The following CSMD1 variants were observed in gnomAD, a reference collection of about 807,000 sequenced individuals.
The protein encoded by CSMD1 is CUB and sushi domain-containing protein 1.
Under a neutral mutation model 417.5 loss-of-function variants are expected in CSMD1, and 213 were observed. The observed-to-expected ratio is 0.51, with a 90% CI of 0.46 to 0.57. The LOEUF (loss-of-function observed/expected upper bound fraction) is 0.57. CSMD1 is among the 20% of genes least tolerant of loss of function. The pLI, the probability that CSMD1 is intolerant of heterozygous loss-of-function variation, is 0.00. For missense variants in CSMD1, 6,923 were observed against 4,529.7 expected (o/e 1.53, Z -15.17); for synonymous variants, 2,862 against 1,736.8 (o/e 1.65, Z -16.11).
At chr8:3,911,690 G>A (rs532183268) in intron 5 of CSMD1, among the ~76,000 whole-genome samples, 26 of 152,164 alleles carry the variant, frequency 1.7e-4, no homozygotes, top group African/African-American at 6.3e-4. Context: ...GCTGCCATAA[G>A]CACTCCCAGG....
At chr8:3,281,141 A>C (rs76538392) in intron 26 of CSMD1, among the ~76,000 whole-genome samples, 3,671 of 152,234 alleles carry the variant, frequency 0.024, 103 homozygotes, top group South Asian at 0.1. Context: ...TATGTCCTTC[A>C]ATAAGAAAAT....
chr8:4,638,332 A>G lies in CSMD1; in HGVS notation c.86-774T>C, dbSNP rs534235861. On this transcript the variant is annotated intron_variant, in intron 1 of 69. Coordinates refer to ENST00000635120, the MANE Select transcript of CSMD1 (RefSeq NM_033225.6). ...AATATGTGGTAATAAGAATAGTTAGAAAAAAACAAGGTCAATACGCCAGTG... is the reference window on the plus strand; with the variant it reads ...AATATGTGGTAATAAGAATAGTTAGGAAAAAACAAGGTCAATACGCCAGTG... 2.0e-5 allele frequency among the ~76,000 whole-genome samples: 3 copies of G among 152,314 alleles called. 1 individual carries two copies. The South Asian group carries it at 6.2e-4, about 32-fold the overall frequency.
At chr8:3,525,975 A>C (rs1318322862) in intron 10 of CSMD1, among the ~76,000 whole-genome samples, 4 of 152,164 alleles carry the variant, frequency 2.6e-5, no homozygotes, top group Non-Finnish European at 5.9e-5. Context: ...GCTCTGGTAA[A>C]ATCAGCACCT....
chr8:4,004,232 C>A (rs1360851751), intron 4 of CSMD1, among the ~76,000 whole-genome samples: 1 of 151,920 alleles, frequency 6.6e-6, no homozygotes, highest in Non-Finnish European at 1.5e-5. Flanking sequence ...AATCTTTTGT[C>A]AAGAAATAGT....
intron 26 of CSMD1, among the ~76,000 whole-genome samples, chr8:3,273,040 C>G (rs977734830): frequency 6.6e-6 from 1 of 151,946 alleles, no homozygotes; most frequent in African/African-American, 2.4e-5. Context: ...CTAGTTTTTG[C>G]CCATTCGGTA....
At chr8:3,393,558 C>G (rs1811475465) in intron 17 of CSMD1, among the ~76,000 whole-genome samples, 2 of 152,080 alleles carry the variant, frequency 1.3e-5, no homozygotes, top group Non-Finnish European at 2.9e-5. Context: ...CCTTCACCCA[C>G]TTTCACAATA....
chr8:3,305,491 G>A (rs935676688), intron 25 of CSMD1, among the ~76,000 whole-genome samples: 8 of 152,074 alleles, frequency 5.3e-5, no homozygotes, highest in Non-Finnish European at 1.2e-4. Flanking sequence ...TATCATGGGA[G>A]TGGGTTAGCT....
At chr8:4,192,480 G>C (rs1332177831) in intron 3 of CSMD1, among the ~76,000 whole-genome samples, 1 of 152,012 alleles carries the variant, frequency 6.6e-6, no homozygotes, top group Non-Finnish European at 1.5e-5. Context: ...CACTGATGTT[G>C]ACCACCACAT....
At chr8:3,652,221 C>T (rs1797893619) in intron 7 of CSMD1, among the ~76,000 whole-genome samples, 1 of 150,772 alleles carries the variant, frequency 6.6e-6, no homozygotes, top group Non-Finnish European at 1.5e-5. Flanking sequence ...ATCAGAGCGC[C>T]ATCACCACCA....
intron 37 of CSMD1, among the ~76,000 whole-genome samples, chr8:3,169,539 G>A (rs1435265858): frequency 6.6e-6 from 1 of 152,098 alleles, no homozygotes; most frequent in Non-Finnish European, 1.5e-5. Context: ...CAGAATTAGT[G>A]TTTAATGAGT....
intron 26 of CSMD1, among the ~76,000 whole-genome samples, chr8:3,259,952 G>A (rs556660161): frequency 1.3e-5 from 2 of 152,266 alleles, no homozygotes; most frequent in South Asian, 2.1e-4. Flanking sequence ...GGGCTACACA[G>A]CCACAGAGCT....
intron 1 of CSMD1, among the ~76,000 whole-genome samples, chr8:4,808,088 G>T (rs1022438851): frequency 5.9e-5 from 9 of 152,104 alleles, no homozygotes; most frequent in Non-Finnish European, 1.3e-4. Context: ...GTCCTTATTA[G>T]CATGCTTACT....
At chr8:3,825,358 T>C (rs942158504) in intron 5 of CSMD1, among the ~76,000 whole-genome samples, 3 of 152,056 alleles carry the variant, frequency 2.0e-5, no homozygotes, top group African/African-American at 7.2e-5. Context: ...GGTGAAACCT[T>C]GTCTGTAGTA....
At chr8:3,059,131 G>A (rs1391706792) in intron 49 of CSMD1, among the ~76,000 whole-genome samples, 3 of 151,476 alleles carry the variant, frequency 2.0e-5, no homozygotes, top group Admixed American at 2.0e-4. Flanking sequence ...TGCAAATGAA[G>A]GTCTCCCCAT....
intron 1 of CSMD1, among the ~76,000 whole-genome samples, chr8:4,819,084 T>A: frequency 6.6e-6 from 1 of 152,218 alleles, no homozygotes; most frequent in Non-Finnish European, 1.5e-5. Context: ...CAACAGCACT[T>A]GCATGTCACT....
At chr8:4,350,662 T>C (rs889778645) in intron 3 of CSMD1, among the ~76,000 whole-genome samples, 4 of 152,348 alleles carry the variant, frequency 2.6e-5, no homozygotes. Context: ...TGAAATTTAC[T>C]AGAACAAAGG....
At chr8:3,588,683 G>T (rs1325341060) in intron 8 of CSMD1, among the ~76,000 whole-genome samples, 2 of 151,856 alleles carry the variant, frequency 1.3e-5, no homozygotes, top group African/African-American at 4.8e-5. Context: ...CAATCAATAA[G>T]CCTAAACCCC....
chr8:3,941,281 C>G (rs1041165763), intron 5 of CSMD1, among the ~76,000 whole-genome samples: 9 of 152,058 alleles, frequency 5.9e-5, no homozygotes, highest in Non-Finnish European at 1.3e-4. Context: ...TTACAAATTC[C>G]CAAAATATTA....
At chr8:4,374,781 C>G (rs1300373181) in intron 3 of CSMD1, among the ~76,000 whole-genome samples, 1 of 152,096 alleles carries the variant, frequency 6.6e-6, no homozygotes, top group Non-Finnish European at 1.5e-5. Flanking sequence ...TGGCCACCTG[C>G]TCTAGGATGG....
Sources: allele counts gnomAD v4.1 joint callset (sites outside exome capture counted in the v4.1 genomes callset), GRCh38; gene constraint gnomAD v4.1.1; transcripts MANE v1.5; gene names NCBI Gene and HGNC (gene_info 2026-07-23, HGNC 2026-07-21).